The following ECE1 variants were observed in gnomAD, a reference collection of about 807,000 sequenced individuals.
ECE1 encodes the protein endothelin-converting enzyme 1.
ECE1 carries 35 observed loss-of-function variants against 98.6 expected under a neutral mutation model. The observed-to-expected ratio is 0.35, with a 90% CI of 0.27 to 0.47. The LOEUF (loss-of-function observed/expected upper bound fraction) is 0.47. Ranked by LOEUF, ECE1 falls within the 20% of genes least tolerant of loss-of-function variation. The probability of loss-of-function intolerance (pLI) is 1.00; values close to 1 mark genes in which losing one functional copy is unlikely to be tolerated. For synonymous variants in ECE1, 394 were observed against 407.1 expected (o/e 0.97, Z 0.39); for missense variants, 814 against 1,025.3 (o/e 0.79, Z 2.81).
At position 21,290,392 on chromosome 1, in the gene ECE1, G is replaced by T; in HGVS notation, c.23C>A (p.Pro8Gln). 1 of 1,185,756 alleles carries T rather than the reference G, an allele frequency of 8.4e-7. No homozygotes were observed. Among genetic ancestry groups the T allele is most frequent in the South Asian group, 4.0e-5 (1 of 25,240 alleles). The allele number at this position is 1,185,756 out of a possible 1,614,324, so 73.5% of individuals were successfully genotyped here. Residue 8 changes from proline to glutamine, a missense_variant, in exon 1 of 19, where the codon CCG becomes CAG. Pro to Gln is a moderately conservative substitution (Grantham distance 76). Coordinates refer to ENST00000374893, the MANE Select transcript of ECE1 (RefSeq NM_001397.3). The surrounding 1 kb of genome is among the most constrained non-coding windows in gnomAD (Gnocchi z 7.3). MRGVWPP[P>Q]VSALLSALGM... ...CAGCGCCGACAGCAGGGCGGACACC[G>T]GGGGCGGCCACACGCCCCGCATGCT...
At chr1:21,304,668 G>T (rs1218388135) in intron 1 of ECE1, among the ~76,000 whole-genome samples, 1 of 152,278 alleles carries the variant, frequency 6.6e-6, no homozygotes, top group South Asian at 2.1e-4. Flanking sequence ...TTACTGGAAG[G>T]GCACATGAGG....
chr1:21,337,451 T>G (rs1362918931), intron 1 of ECE1, among the ~76,000 whole-genome samples: 1 of 152,188 alleles, frequency 6.6e-6, no homozygotes, highest in Non-Finnish European at 1.5e-5. Flanking sequence ...GTGGGAATGG[T>G]TCACACTTTG....
rs541828953 is a variant in ECE1 at position 21,327,660 on chromosome 1, C to T, written c.3+17716G>A. On this transcript the variant is annotated intron_variant, in intron 1 of 18. Transcript: ENST00000415912. This position sits in a 1 kb window ranked among gnomAD's most constrained non-coding sequence, Gnocchi z 4.6. ...GCCTCACCTGGTCTGCACGGCCCTG[C>T]GGGACCCAGCCCTGACCACCCTTCA... is the stretch of plus-strand genomic sequence containing the variant. 6.6e-5 allele frequency among the ~76,000 whole-genome samples: 10 copies of T among 152,284 alleles called. No homozygotes were observed. Among genetic ancestry groups the T allele is most frequent in the East Asian group, 1.9e-4 (1 of 5,174 alleles).
At chr1:21,337,881 C>T (rs937722750) in intron 1 of ECE1, among the ~76,000 whole-genome samples, 3 of 152,206 alleles carry the variant, frequency 2.0e-5, no homozygotes, top group South Asian at 2.1e-4. Context: ...GGGCAGATCC[C>T]GCCTCCCTGC....
At chr1:21,247,491 C>A in intron 8 of ECE1, 128 bp from the exon 9 acceptor site, 8 of 1,397,320 alleles carry the variant, frequency 5.7e-6, no homozygotes, top group Non-Finnish European at 8.0e-6. Flanking sequence ...GCGCACCGGG[C>A]AGAGAGTCAA....
intron 1 of ECE1, among the ~76,000 whole-genome samples, chr1:21,306,882 C>A (rs565389845): frequency 1.3e-5 from 2 of 152,286 alleles, no homozygotes; most frequent in South Asian, 2.1e-4. Flanking sequence ...ACCAACCCCC[C>A]CAATCTACAG....
chr1:21,323,888 G>C (rs1639017490), intron 1 of ECE1, among the ~76,000 whole-genome samples: 1 of 151,038 alleles, frequency 6.6e-6, no homozygotes, highest in Admixed American at 6.6e-5. Flanking sequence ...TGCAATCTCG[G>C]CTCACTGCAA....
chr1:21,272,078 C>G (rs913733572), intron 4 of ECE1, among the ~76,000 whole-genome samples: 1 of 152,126 alleles, frequency 6.6e-6, no homozygotes, highest in African/African-American at 2.4e-5. Flanking sequence ...CTTGTGTACA[C>G]CCTACATGCC....
chr1:21,275,723 T>C (rs1003450074), intron 3 of ECE1, among the ~76,000 whole-genome samples: 1 of 152,222 alleles, frequency 6.6e-6, no homozygotes, highest in Non-Finnish European at 1.5e-5. Flanking sequence ...ATTTAATGGT[T>C]TGCAGAAACT....
chr1:21,265,249 A>G (rs956531761), intron 4 of ECE1, among the ~76,000 whole-genome samples: 1 of 152,172 alleles, frequency 6.6e-6, no homozygotes, highest in Non-Finnish European at 1.5e-5. Context: ...ACTGGGCTTC[A>G]AAGTGAAATG....
Position 21,233,545 on chromosome 1 carries a change from T to C in ECE1, c.1670+13A>G, listed in dbSNP as rs750815011. ...GAGCTGGCACCTTGCCGGCAGGGCCTGGGGGAACTCACTGATCTCTGTTGG... is the reference window on the plus strand; with the variant it reads ...GAGCTGGCACCTTGCCGGCAGGGCCCGGGGGAACTCACTGATCTCTGTTGG... On this transcript the variant is annotated intron_variant, in intron 14 of 18. Transcript: ENST00000374893. The surrounding 1 kb of genome is among the most constrained non-coding windows in gnomAD (Gnocchi z 4.0). 5 of 1,612,610 alleles carry C rather than the reference T, an allele frequency of 3.1e-6. No individual in the cohort carries two copies. The highest frequency in any genetic ancestry group is 4.2e-6 in the Non-Finnish European group (5 of 1,179,536).
At chr1:21,331,758 G>A (rs1291318272) in intron 1 of ECE1, among the ~76,000 whole-genome samples, 1 of 152,080 alleles carries the variant, frequency 6.6e-6, no homozygotes, top group East Asian at 1.9e-4. Flanking sequence ...GGGTTGATGT[G>A]AAGATTAAGT....
intron 1 of ECE1, among the ~76,000 whole-genome samples, chr1:21,333,692 G>A (rs556019077): frequency 1.3e-5 from 2 of 152,324 alleles, no homozygotes; most frequent in Admixed American, 6.5e-5. Flanking sequence ...AAGTTAGCCA[G>A]GCATGGTGGC....
At position 21,288,238 on chromosome 1, in the gene ECE1, C is replaced by T. The variant is rs28367924; in HGVS notation, c.138+1832G>A. On this transcript the variant is annotated intron_variant, in intron 2 of 18. Coordinates refer to ENST00000374893, the MANE Select transcript of ECE1 (RefSeq NM_001397.3). ...ACCATAGACAACAGCGACGTGACCCCAGGAATGTCTCTAACCTCTCTTTGT... is the reference window on the plus strand; with the variant it reads ...ACCATAGACAACAGCGACGTGACCCTAGGAATGTCTCTAACCTCTCTTTGT... 4.0e-3 allele frequency among the ~76,000 whole-genome samples: 603 copies of T among 152,346 alleles called. 17 individuals carry two copies. Among genetic ancestry groups the T allele is most frequent in the Admixed American group, 0.034 (525 of 15,300 alleles).
intron 14 of ECE1, among the ~76,000 whole-genome samples, chr1:21,229,577 A>T (rs182665674): frequency 1.6e-3 from 249 of 152,226 alleles, no homozygotes; most frequent in African/African-American, 3.6e-3. Flanking sequence ...TATGAGATTT[A>T]AAAAAATGTT....
Position 21,235,826 on chromosome 1 carries a change from G to A in ECE1, c.1566+24C>T, listed in dbSNP as rs762154110. The A allele has an allele frequency of 1.5e-5, 25 of 1,613,316 alleles. No individual in the cohort carries two copies. The highest frequency in any genetic ancestry group is 1.6e-4 in the Middle Eastern group (1 of 6,062). On this transcript the variant is annotated intron_variant, in intron 13 of 18. Transcript: ENST00000374893. The surrounding 1 kb of genome is among the most constrained non-coding windows in gnomAD (Gnocchi z 4.2). ...TCTAAGGGGGCATTTAGGAACGCAA[G>A]GGGGCAGGGCAGCAGCTACTCACGT...
intron 8 of ECE1, among the ~76,000 whole-genome samples, chr1:21,249,342 CAA>C (rs984504006): frequency 1.5e-5 from 2 of 135,856 alleles, no homozygotes; most frequent in Non-Finnish European, 1.6e-5. Context: ...GACTCCATCT[CAA>C]AAAAAAAAAA....
At chr1:21,251,692 GGCTAAGAATGA>G (rs1340032713) in intron 8 of ECE1, among the ~76,000 whole-genome samples, 3 of 152,148 alleles carry the variant, frequency 2.0e-5, no homozygotes, top group Non-Finnish European at 2.9e-5. Context: ...GAGCCACTTG[GGCTAAGAATGA>G]GCTAAGAATG....
intron 18 of ECE1, among the ~76,000 whole-genome samples, chr1:21,221,486 T>C (rs2098167405): frequency 6.6e-6 from 1 of 152,132 alleles, no homozygotes; most frequent in Non-Finnish European, 1.5e-5. Flanking sequence ...ATCTTAAGTT[T>C]AAGAAACCTC....
Sources: allele counts gnomAD v4.1 joint callset (sites outside exome capture counted in the v4.1 genomes callset), GRCh38; gene constraint gnomAD v4.1.1; non-coding constraint Gnocchi (gnomAD v3.1); transcripts MANE v1.5; gene names NCBI Gene and HGNC (gene_info 2026-07-23, HGNC 2026-07-21).